Variants in MAD1L1 observed in about 807,000 individuals in gnomAD.
MAD1L1 encodes the protein mitotic arrest deficient 1 like 1.
MAD1L1 carries 95 observed loss-of-function variants against 96.9 expected under a neutral mutation model. The ratio of observed to expected loss-of-function variants is 0.98; its 90% CI spans 0.83 to 1.16. MAD1L1 has a LOEUF of 1.16. MAD1L1 is among the 50% of genes most tolerant of loss of function. The pLI, the probability that MAD1L1 is intolerant of heterozygous loss-of-function variation, is 0.00. For synonymous variants in MAD1L1, 473 were observed against 396.6 expected (o/e 1.19, Z -2.29); for missense variants, 1,007 against 954.4 (o/e 1.06, Z -0.73).
intron 12 of MAD1L1, among the ~76,000 whole-genome samples, chr7:2,046,967 G>A (rs6949232): frequency 0.013 from 1,982 of 152,302 alleles, 30 homozygotes; most frequent in African/African-American, 0.045. Context: ...ACTCACAGAC[G>A]ACAAAGGAAA....
rs573885232 is a variant in MAD1L1 at position 2,213,161 on chromosome 7, C to T, written c.986+51G>A. ...GCCGGAAGCAGGCTCTGCTCTTCAC[C>T]CAGGACCCTTCAAAGAAGGCGGGAC... On this transcript the variant is annotated intron_variant, in intron 10 of 18. Transcript: ENST00000265854. The T allele has an allele frequency of 2.5e-5, 40 of 1,594,186 alleles. 3 individuals are homozygous for T. The South Asian group carries it at 4.4e-4, about 18-fold the overall frequency.
At chr7:2,102,725 TC>T (rs996602018) in intron 11 of MAD1L1, among the ~76,000 whole-genome samples, 2 of 136,968 alleles carry the variant, frequency 1.5e-5, no homozygotes, top group Non-Finnish European at 3.2e-5. Context: ...TCTCACCACG[TC>T]CCCACCATCA....
chr7:2,214,902 A>ACTGGTG (rs1302886594), intron 9 of MAD1L1, among the ~76,000 whole-genome samples: 21 of 152,312 alleles, frequency 1.4e-4, no homozygotes, highest in Admixed American at 1.4e-3. Flanking sequence ...TTCCTGCTGC[A>ACTGGTG]ACCGAAACAG....
intron 16 of MAD1L1, among the ~76,000 whole-genome samples, chr7:1,953,324 G>A (rs1027801123): frequency 6.6e-6 from 1 of 152,200 alleles, no homozygotes; most frequent in African/African-American, 2.4e-5. Context: ...CAGGGCTCTT[G>A]TCTGGTCTCT....
intron 18 of MAD1L1, among the ~76,000 whole-genome samples, chr7:1,860,618 C>G (rs1784499452): frequency 6.6e-6 from 1 of 152,200 alleles, no homozygotes; most frequent in Non-Finnish European, 1.5e-5. Context: ...CTGCCCAGCT[C>G]TGCCTGGGGG....
chr7:2,139,763 G>A (rs1427631892), intron 11 of MAD1L1, among the ~76,000 whole-genome samples: 4 of 152,232 alleles, frequency 2.6e-5, no homozygotes, highest in Admixed American at 6.5e-5. Context: ...GGCTCTGCGT[G>A]GAGAGGCCAG....
chr7:2,225,377 G>C, intron 4 of MAD1L1, 33 bp downstream of exon 4: 1 of 1,611,234 alleles, frequency 6.2e-7, no homozygotes, highest in South Asian at 1.1e-5. Flanking sequence ...TCCTGGGGCT[G>C]TCTGGGCCGA....
intron 10 of MAD1L1, among the ~76,000 whole-genome samples, chr7:2,150,937 C>A (rs1005432039): frequency 6.6e-6 from 1 of 152,228 alleles, no homozygotes; most frequent in Non-Finnish European, 1.5e-5. Flanking sequence ...TCTGTCCTCA[C>A]ACACACAGGC....
At chr7:1,829,176 G>A (rs548587298) in intron 18 of MAD1L1, among the ~76,000 whole-genome samples, 15 of 152,382 alleles carry the variant, frequency 9.8e-5, no homozygotes, top group Admixed American at 9.8e-4. Context: ...TGGCACTTCT[G>A]AAATGGCTCC....
intron 16 of MAD1L1, among the ~76,000 whole-genome samples, chr7:1,943,105 C>T (rs952879844): frequency 3.3e-5 from 5 of 152,210 alleles, no homozygotes; most frequent in East Asian, 1.9e-4. Context: ...CCACCTCCCA[C>T]CATAAACAAA....
chr7:2,222,950 T>C (rs1793689408), intron 4 of MAD1L1, among the ~76,000 whole-genome samples, 196 bp from the exon 5 acceptor site: 1 of 152,206 alleles, frequency 6.6e-6, no homozygotes, highest in South Asian at 2.1e-4. Context: ...TGTGGCACCA[T>C]GACGGTGAGC....
chr7:1,946,557 C>T (rs182725573), intron 16 of MAD1L1, among the ~76,000 whole-genome samples: 43 of 152,388 alleles, frequency 2.8e-4, no homozygotes, highest in African/African-American at 8.7e-4. Flanking sequence ...TCCTTTGATG[C>T]GATGGTGCAA....
In MAD1L1 at chr7:1,815,877, G is replaced by A; in HGVS notation, c.*193C>T. 1.6e-6 allele frequency: 1 copy of A among 611,054 alleles called. No homozygotes were observed. Among genetic ancestry groups the A allele is most frequent in the South Asian group, 2.1e-5 (1 of 46,970 alleles). The allele number at this position is 611,054 out of a possible 1,614,324, so 37.9% of individuals were successfully genotyped here. A position where few individuals can be genotyped will look rare whatever the true frequency, so the allele number is the denominator to read the frequency against. Reference sequence around the variant, plus strand: ...CACACACCAGGCTCCGGGACGCATGGGGTCTGCACGTGGAGAGGGTGCTGG... The same window carrying A: ...CACACACCAGGCTCCGGGACGCATGAGGTCTGCACGTGGAGAGGGTGCTGG... On this transcript the variant is annotated 3_prime_UTR_variant, in exon 19 of 19. Transcript: ENST00000265854.
chr7:1,908,885 C>T (rs1787840612), intron 17 of MAD1L1, among the ~76,000 whole-genome samples: 1 of 152,206 alleles, frequency 6.6e-6, no homozygotes, highest in Non-Finnish European at 1.5e-5. Flanking sequence ...CTATTTCCCA[C>T]CTCTCGTTAG....
chr7:2,171,837 C>T (rs975215095), intron 10 of MAD1L1, among the ~76,000 whole-genome samples: 17 of 152,234 alleles, frequency 1.1e-4, no homozygotes, highest in African/African-American at 3.9e-4. Context: ...AGTAAGAGGG[C>T]ACCATGCAGG....
intron 17 of MAD1L1, among the ~76,000 whole-genome samples, chr7:1,913,363 G>A (rs578022301): frequency 1.2e-4 from 18 of 152,230 alleles, no homozygotes; most frequent in African/African-American, 3.9e-4. Flanking sequence ...GCGGCCTGGG[G>A]TGGCGTGGGG....
chr7:2,028,351 G>C (rs570863350), intron 12 of MAD1L1, among the ~76,000 whole-genome samples: 23 of 150,584 alleles, frequency 1.5e-4, no homozygotes, highest in African/African-American at 4.9e-4. Flanking sequence ...CGCGAACCCA[G>C]GAGGCAGAGC....
At chr7:1,975,773 G>A (rs1218490210) in intron 15 of MAD1L1, among the ~76,000 whole-genome samples, 3 of 152,054 alleles carry the variant, frequency 2.0e-5, no homozygotes, top group Non-Finnish European at 2.9e-5. Flanking sequence ...GTCACCTCTC[G>A]TCCCCTGAGG....
At chr7:1,892,693 C>T (rs564103264) in intron 18 of MAD1L1, among the ~76,000 whole-genome samples, 2 of 152,174 alleles carry the variant, frequency 1.3e-5, no homozygotes, top group South Asian at 2.1e-4. Context: ...CCCGGTAGGT[C>T]GACATCGCCA....
Sources: gnomAD v4.1 joint callset for allele counts (sites outside exome capture counted in the v4.1 genomes callset) on GRCh38, gnomAD v4.1.1 for gene constraint, MANE v1.5 for transcripts, NCBI Gene and HGNC (gene_info 2026-07-23, HGNC 2026-07-21) for gene names.